IQCM: variants seen among roughly 807,000 people sequenced by gnomAD.
IQCM encodes the protein IQ motif containing M, also known as IQ domain-containing protein M.
In IQCM, 45 loss-of-function variants were observed where a neutral mutation model predicts 57.6. The ratio of observed to expected loss-of-function variants is 0.78; its 90% CI spans 0.62 to 1.00. The LOEUF (loss-of-function observed/expected upper bound fraction) is 1.00, where lower values mean the gene tolerates loss of function less well. Among genes scored for constraint, IQCM ranks in the 50% least tolerant of loss-of-function variants. The pLI, the probability that IQCM is intolerant of heterozygous loss-of-function variation, is 0.00. For synonymous variants in IQCM, 148 were observed against 158.9 expected (o/e 0.93, Z 0.51); for missense variants, 468 against 511.6 (o/e 0.91, Z 0.82).
Position 149,698,935 on chromosome 4 carries a change from T to C in IQCM, c.386-12467A>G, listed in dbSNP as rs1349406673. 3.9e-5 allele frequency among the ~76,000 whole-genome samples: 6 copies of C among 152,142 alleles called. No individual in the cohort carries two copies. In the South Asian group the frequency reaches 1.2e-3, roughly 31 times the overall value. Reference sequence around the variant, plus strand: ...AAGATTGCCATAAGGATTGTGTAAATGATACATGCAAAGTCTTTAGCACAA... The same window carrying C: ...AAGATTGCCATAAGGATTGTGTAAACGATACATGCAAAGTCTTTAGCACAA... On this transcript the variant is annotated intron_variant, in intron 5 of 13. Transcript: ENST00000636793.
chr4:149,721,065 T>C (rs980876255), intron 5 of IQCM, among the ~76,000 whole-genome samples: 4 of 152,204 alleles, frequency 2.6e-5, no homozygotes, highest in Non-Finnish European at 4.4e-5. Context: ...ATCGGTCATC[T>C]GTTTCTGTAG....
intron 12 of IQCM, among the ~76,000 whole-genome samples, chr4:149,443,441 C>T (rs1309344713): frequency 6.6e-6 from 1 of 151,746 alleles, no homozygotes; most frequent in Non-Finnish European, 1.5e-5. Flanking sequence ...TTTTCTAAAA[C>T]AACATTCAAT....
At chr4:149,416,914 C>T (rs10025583) in intron 13 of IQCM, among the ~76,000 whole-genome samples, 4,357 of 152,026 alleles carry the variant, frequency 0.029, 172 homozygotes, top group African/African-American at 0.091. Context: ...TGAGAGCTGA[C>T]GAAGCTGGAT....
chr4:149,506,521 C>T (rs1743829918), intron 12 of IQCM, among the ~76,000 whole-genome samples: 1 of 152,052 alleles, frequency 6.6e-6, no homozygotes, highest in South Asian at 2.1e-4. Flanking sequence ...TGAAAGGATC[C>T]CTTTTTAGGG....
chr4:149,580,232 T>C (rs1167541071), intron 9 of IQCM, among the ~76,000 whole-genome samples: 1 of 151,776 alleles, frequency 6.6e-6, no homozygotes, highest in African/African-American at 2.4e-5. Flanking sequence ...TAATTTTCCA[T>C]AGAAATCTGC....
At chr4:149,728,060 G>A (rs2149875257) in intron 5 of IQCM, among the ~76,000 whole-genome samples, 1 of 152,304 alleles carries the variant, frequency 6.6e-6, no homozygotes, top group East Asian at 1.9e-4. Context: ...TGTTAAACAT[G>A]TGCTAGCACG....
chr4:149,663,384 G>A (rs1760397746), intron 7 of IQCM, among the ~76,000 whole-genome samples: 1 of 151,726 alleles, frequency 6.6e-6, no homozygotes, highest in African/African-American at 2.4e-5. Context: ...TACCTCTCCT[G>A]GAGGTTTTAT....
At chr4:149,441,595 C>T (rs1053096526) in intron 12 of IQCM, among the ~76,000 whole-genome samples, 5 of 152,072 alleles carry the variant, frequency 3.3e-5, no homozygotes, top group African/African-American at 4.8e-5. Flanking sequence ...TGCCTGTACA[C>T]TTTTGGGAGT....
At chr4:149,752,315 G>A (rs1228289976) in intron 2 of IQCM, among the ~76,000 whole-genome samples, 1 of 152,138 alleles carries the variant, frequency 6.6e-6, no homozygotes, top group Non-Finnish European at 1.5e-5. Flanking sequence ...ACTTTGGGAG[G>A]CTGAGGAAGG....
At chr4:149,684,489 T>A (rs1314123269) in intron 6 of IQCM, among the ~76,000 whole-genome samples, 1 of 151,302 alleles carries the variant, frequency 6.6e-6, no homozygotes, top group Non-Finnish European at 1.5e-5. Flanking sequence ...GGGGTCTAAT[T>A]AACTTGAACA....
intron 2 of IQCM, 64 bp from the exon 3 acceptor site, chr4:149,742,803 G>T: frequency 1.3e-6 from 1 of 754,112 alleles, no homozygotes; most frequent in Non-Finnish European, 1.8e-6. Context: ...TATTTCTTTT[G>T]CTCACTCATA....
At chr4:149,771,075 A>G (rs1770529919) in intron 2 of IQCM, among the ~76,000 whole-genome samples, 2 of 152,072 alleles carry the variant, frequency 1.3e-5, no homozygotes, top group South Asian at 4.1e-4. Flanking sequence ...TAAATAGTAA[A>G]AGAAATCTAC....
chr4:149,517,301 G>A (rs1285785679), intron 12 of IQCM, among the ~76,000 whole-genome samples: 1 of 152,100 alleles, frequency 6.6e-6, no homozygotes, highest in Non-Finnish European at 1.5e-5. Context: ...GTTTGTGCAT[G>A]TATACACTTG....
intron 12 of IQCM, among the ~76,000 whole-genome samples, chr4:149,487,295 G>C (rs1423469571): frequency 6.6e-6 from 1 of 152,086 alleles, no homozygotes; most frequent in African/African-American, 2.4e-5. Flanking sequence ...GCCTGAGCTG[G>C]TATCCAAGAT....
intron 2 of IQCM, among the ~76,000 whole-genome samples, chr4:149,781,121 T>G (rs1771564396): frequency 1.3e-5 from 2 of 152,044 alleles, no homozygotes; most frequent in Non-Finnish European, 2.9e-5. Flanking sequence ...CATTCCTATT[T>G]CAAGAAAAGA....
rs1435219101 is a variant in IQCM, at chr4:149,640,574, C to T, written c.566-19330G>A. On this transcript the variant is annotated intron_variant, in intron 7 of 13. Coordinates refer to ENST00000636793, the MANE Select transcript of IQCM (RefSeq NM_001363507.2). Reference sequence around the variant, plus strand: ...TTATCTTGCTTGAAAATTATCTTTTCTTTAAAACTGTCTTCCTTCTGGACT... The same window carrying T: ...TTATCTTGCTTGAAAATTATCTTTTTTTTAAAACTGTCTTCCTTCTGGACT... Among the ~76,000 whole-genome samples the T allele has an allele frequency of 2.0e-5, 3 of 152,098 alleles. No individual in the cohort carries two copies. In the East Asian group the frequency reaches 5.8e-4, roughly 29 times the overall value.
intron 9 of IQCM, among the ~76,000 whole-genome samples, chr4:149,575,910 G>A (rs1180554549): frequency 6.6e-6 from 1 of 151,742 alleles, no homozygotes; most frequent in Non-Finnish European, 1.5e-5. Context: ...TGTTATTACA[G>A]CTACTGCTGC....
chr4:149,780,775 C>T (rs971210881), intron 2 of IQCM, among the ~76,000 whole-genome samples: 2 of 151,940 alleles, frequency 1.3e-5, no homozygotes, highest in Admixed American at 6.6e-5. Flanking sequence ...GAAACATCAC[C>T]ACAACCAGTA....
intron 12 of IQCM, among the ~76,000 whole-genome samples, chr4:149,524,326 T>C (rs1246131284): frequency 6.6e-6 from 1 of 152,130 alleles, no homozygotes; most frequent in Non-Finnish European, 1.5e-5. Flanking sequence ...AAATGGTGGC[T>C]ACACAAATGT....
Sources: gnomAD v4.1 joint callset for allele counts (sites outside exome capture counted in the v4.1 genomes callset) on GRCh38, gnomAD v4.1.1 for gene constraint, MANE v1.5 for transcripts, NCBI Gene and HGNC (gene_info 2026-07-23, HGNC 2026-07-21) for gene names.